MCC: variants seen among roughly 807,000 people sequenced by gnomAD.
MCC encodes the protein colorectal mutant cancer protein.
A neutral mutation model predicts 116.2 loss-of-function variants in MCC; 90 were observed. That is an observed-to-expected ratio of 0.77 (90% CI 0.65 to 0.92). MCC has a LOEUF of 0.92. Among genes scored for constraint, MCC ranks in the 40% least tolerant of loss-of-function variants. The probability of loss-of-function intolerance (pLI) is 0.00; values close to 1 mark genes in which losing one functional copy is unlikely to be tolerated. For missense variants in MCC, 1,516 were observed against 1,312.2 expected, an observed-to-expected ratio of 1.16 and a Z score of -2.40; for synonymous variants, 578 against 510.5, an observed-to-expected ratio of 1.13 and a Z score of -1.78.
At chr5:113,483,796 T>C (rs1292889307) in intron 1 of MCC, among the ~76,000 whole-genome samples, 1 of 152,006 alleles carries the variant, frequency 6.6e-6, no homozygotes, top group Non-Finnish European at 1.5e-5. Context: ...TCAACCTAAA[T>C]GCCCACTGAT....
intron 1 of MCC, among the ~76,000 whole-genome samples, chr5:113,446,869 T>C (rs1771234591): frequency 6.6e-6 from 1 of 152,152 alleles, no homozygotes. Flanking sequence ...TGAGTAACAA[T>C]ATCAATCATA....
chr5:113,077,088 A>G (rs1754509360), intron 11 of MCC, among the ~76,000 whole-genome samples: 2 of 152,206 alleles, frequency 1.3e-5, no homozygotes. Flanking sequence ...AAAGGGATCA[A>G]TTCAACAAGA....
intron 11 of MCC, among the ~76,000 whole-genome samples, chr5:113,080,261 T>C (rs1393501940): frequency 6.6e-6 from 1 of 152,226 alleles, no homozygotes; most frequent in African/African-American, 2.4e-5. Flanking sequence ...CTCAAGGATC[T>C]AGAACTAGAA....
At chr5:113,117,442 A>C (rs549748019) in intron 6 of MCC, among the ~76,000 whole-genome samples, 2 of 152,252 alleles carry the variant, frequency 1.3e-5, no homozygotes, top group African/African-American at 4.8e-5. Context: ...CCTTGCGGGT[A>C]TAAGAGTAGA....
At chr5:113,203,572 G>A (rs979309388) in intron 3 of MCC, among the ~76,000 whole-genome samples, 1 of 152,172 alleles carries the variant, frequency 6.6e-6, no homozygotes, top group Non-Finnish European at 1.5e-5. Flanking sequence ...TTACAGAAGA[G>A]TCAAGATAAG....
At chr5:113,467,961 T>G (rs1771963741) in intron 1 of MCC, among the ~76,000 whole-genome samples, 1 of 152,154 alleles carries the variant, frequency 6.6e-6, no homozygotes, top group Non-Finnish European at 1.5e-5. Context: ...GAATGGGAGT[T>G]CACTCATGAT....
chr5:113,149,580 CTCT>C (rs1759729124), intron 4 of MCC, among the ~76,000 whole-genome samples: 1 of 152,014 alleles, frequency 6.6e-6, no homozygotes, highest in Non-Finnish European at 1.5e-5. Flanking sequence ...AATCCTTTCC[CTCT>C]ACTCAAGCAG....
chr5:113,298,849 T>C (rs1289900557), intron 3 of MCC, among the ~76,000 whole-genome samples: 1 of 152,212 alleles, frequency 6.6e-6, no homozygotes, highest in African/African-American at 2.4e-5. Context: ...AAACGAAGAC[T>C]AATGATAATT....
intron 5 of MCC, among the ~76,000 whole-genome samples, chr5:113,136,019 C>T (rs760897570): frequency 3.9e-5 from 6 of 151,956 alleles, no homozygotes; most frequent in Non-Finnish European, 7.4e-5. Context: ...CACTCCAGCC[C>T]AGGCAACAAA....
In MCC at chr5:113,027,282, C is replaced by T. The variant is rs563505347; in HGVS notation, c.*20G>A. 1 of 1,612,466 alleles carries T rather than the reference C, an allele frequency of 6.2e-7. No homozygotes were observed. Among genetic ancestry groups the T allele is most frequent in the South Asian group, 1.1e-5 (1 of 90,842 alleles). On this transcript the variant is annotated 3_prime_UTR_variant, in exon 19 of 19. Transcript: ENST00000408903. ...TGCAGTTTACTTCCCATGGGCAGAA[C>T]TCCGGTGCGTGAGTGCTGATTAAAG... is the stretch of plus-strand genomic sequence containing the variant.
At chr5:113,215,284 G>T (rs967718378) in intron 3 of MCC, among the ~76,000 whole-genome samples, 1 of 152,150 alleles carries the variant, frequency 6.6e-6, no homozygotes, top group African/African-American at 2.4e-5. Context: ...ACAACTTGGT[G>T]GGGGGAGGAA....
chr5:113,340,806 T>C (rs1015116632), intron 2 of MCC, 76 bp from the exon 3 acceptor site: 4 of 1,170,820 alleles, frequency 3.4e-6, no homozygotes, highest in Non-Finnish European at 4.9e-6. Flanking sequence ...GGCAATGATT[T>C]GGAACCTCCT....
At chr5:113,366,865 C>A (rs983333318) in intron 2 of MCC, among the ~76,000 whole-genome samples, 3 of 152,054 alleles carry the variant, frequency 2.0e-5, no homozygotes, top group Non-Finnish European at 2.9e-5. Flanking sequence ...TGCAGTGGTG[C>A]GATCATACTC....
At chr5:113,256,429 G>T (rs972263535) in intron 3 of MCC, among the ~76,000 whole-genome samples, 1 of 152,110 alleles carries the variant, frequency 6.6e-6, no homozygotes, top group Non-Finnish European at 1.5e-5. Flanking sequence ...GTTCAGACAG[G>T]AAAGAGTCAC....
At chr5:113,150,812 A>C (rs545570823) in intron 4 of MCC, among the ~76,000 whole-genome samples, 1 of 152,352 alleles carries the variant, frequency 6.6e-6, no homozygotes, top group Admixed American at 6.5e-5. Flanking sequence ...CTGTAATCCC[A>C]GCACTTTAGA....
chr5:113,243,601 A>T (rs1764461554), intron 3 of MCC, among the ~76,000 whole-genome samples: 1 of 152,214 alleles, frequency 6.6e-6, no homozygotes, highest in Admixed American at 6.5e-5. Context: ...CATTCTGCCA[A>T]ATGTTGGAAG....
At position 113,306,968 on chromosome 5, in the gene MCC, T is replaced by C. The variant is rs141472257; in HGVS notation, c.627+33551A>G. On this transcript the variant is annotated intron_variant, in intron 3 of 18. Transcript: ENST00000408903. Reference sequence around the variant, plus strand: ...TTGTCAAAAACCAATTAGCCATAAATATAAAGATTTATTTCTGGACTCTCA... The same window carrying C: ...TTGTCAAAAACCAATTAGCCATAAACATAAAGATTTATTTCTGGACTCTCA... 5.8e-3 allele frequency among the ~76,000 whole-genome samples: 883 copies of C among 152,340 alleles called. 5 individuals are homozygous for C. The highest frequency in any genetic ancestry group is 0.011 in the South Asian group (54 of 4,830).
In MCC at chr5:113,441,551, G is replaced by A. The variant is rs756953122; in HGVS notation, c.170+46694C>T. 6.8e-4 allele frequency among the ~76,000 whole-genome samples: 103 copies of A among 152,160 alleles called. 1 individual carries two copies. Among genetic ancestry groups the A allele is most frequent in the Non-Finnish European group, 1.3e-3 (87 of 68,002 alleles). ...AAGTTCTGGGGTACATGTGCGGAACGTGCAGTTTTGTTACATAAGTATACC... is the reference window on the plus strand; with the variant it reads ...AAGTTCTGGGGTACATGTGCGGAACATGCAGTTTTGTTACATAAGTATACC... On this transcript the variant is annotated intron_variant, in intron 1 of 18. Coordinates refer to ENST00000408903, the MANE Select transcript of MCC (RefSeq NM_001085377.2).
At chr5:113,034,893 T>TCAC (rs1043472750) in intron 17 of MCC, among the ~76,000 whole-genome samples, 31 of 152,190 alleles carry the variant, frequency 2.0e-4, no homozygotes, top group Non-Finnish European at 3.5e-4. Context: ...TTCTGCTTCA[T>TCAC]TGGCTGCTCC....
Sources: allele counts gnomAD v4.1 joint callset (sites outside exome capture counted in the v4.1 genomes callset), GRCh38; gene constraint gnomAD v4.1.1; transcripts MANE v1.5; gene names NCBI Gene and HGNC (gene_info 2026-07-23, HGNC 2026-07-21).